The following CCDC18 variants were observed in gnomAD, a reference collection of about 807,000 sequenced individuals.
CCDC18 encodes coiled-coil domain-containing protein 18.
CCDC18 carries 157 observed loss-of-function variants against 196.0 expected under a neutral mutation model. That is an observed-to-expected ratio of 0.80 (90% confidence interval 0.70 to 0.91). The LOEUF (loss-of-function observed/expected upper bound fraction) is 0.91. Ranked by LOEUF, CCDC18 falls within the 40% of genes least tolerant of loss-of-function variation. The pLI, the probability that CCDC18 is intolerant of heterozygous loss-of-function variation, is 0.00. For synonymous variants in CCDC18, 482 were observed against 529.2 expected (o/e 0.91, Z 1.22); for missense variants, 1,465 against 1,611.6 (o/e 0.91, Z 1.56).
intron 25 of CCDC18, among the ~76,000 whole-genome samples, chr1:93,258,058 TAATTAA>T (rs2101122467): frequency 6.6e-6 from 1 of 150,782 alleles, no homozygotes; most frequent in East Asian, 1.9e-4. Flanking sequence ...TAAAAGACAT[TAATTAA>T]AATTAAAATA....
At chr1:93,240,239 A>G (rs1330590540) in intron 21 of CCDC18, among the ~76,000 whole-genome samples, 1 of 152,240 alleles carries the variant, frequency 6.6e-6, no homozygotes, top group Non-Finnish European at 1.5e-5. Context: ...GGGACTTCAC[A>G]TATGATCTCA....
At chr1:93,215,794 T>G (rs1656391979) in intron 12 of CCDC18, among the ~76,000 whole-genome samples, 1 of 152,204 alleles carries the variant, frequency 6.6e-6, no homozygotes, top group Non-Finnish European at 1.5e-5. Context: ...TTCTGCTGTT[T>G]AAAGAGTCTG....
At chr1:93,212,079 C>T in intron 10 of CCDC18, 22 bp from the exon 11 acceptor site, 1 of 1,575,270 alleles carries the variant, frequency 6.3e-7, no homozygotes, top group Non-Finnish European at 8.6e-7. Flanking sequence ...AATAATTTTT[C>T]CCTTCTTTTC....
At chr1:93,260,985 A>G (rs952474913) in intron 26 of CCDC18, among the ~76,000 whole-genome samples, 30 of 152,184 alleles carry the variant, frequency 2.0e-4, no homozygotes, top group Non-Finnish European at 4.0e-4. Flanking sequence ...TCCATGGTGT[A>G]TATGTGCCAC....
At chr1:93,209,396 A>G (rs1655246654) in intron 9 of CCDC18, among the ~76,000 whole-genome samples, 1 of 152,256 alleles carries the variant, frequency 6.6e-6, no homozygotes, top group Non-Finnish European at 1.5e-5. Flanking sequence ...TGAAGGAAAG[A>G]TCAGGGGAAA....
At chr1:93,227,348 A>G (rs924989285) in intron 17 of CCDC18, among the ~76,000 whole-genome samples, 6 of 145,894 alleles carry the variant, frequency 4.1e-5, no homozygotes, top group Non-Finnish European at 7.5e-5. Context: ...TTTTTTTTTT[A>G]GTAGAGACGG....
rs377136460 is a variant in CCDC18, at chr1:93,270,423, C to T, written c.3962C>T (p.Pro1321Leu). ...GAAGACATCAAGTTTCTGCCAGCCCCATTTACATCTCCAACAGAAATTATG... is the reference window on the plus strand; with the variant it reads ...GAAGACATCAAGTTTCTGCCAGCCCTATTTACATCTCCAACAGAAATTATG... The part of the protein sequence containing the change: ...KAEDIKFLPA[P>L]FTSPTEIMPD... The change falls in exon 28 of 29, where the codon CCA becomes CTA. Residue 1321 changes from proline to leucine, a missense_variant. By Grantham distance (98) the Pro-to-Leu change is moderately conservative (BLOSUM62 -3). Transcript: ENST00000690025. The T allele has an allele frequency of 1.9e-6, 3 of 1,550,388 alleles. No individual in the cohort carries two copies. The highest frequency in any genetic ancestry group is 1.7e-4 in the Middle Eastern group (1 of 5,986).
chr1:93,239,235 G>C (rs1031934533), intron 19 of CCDC18, 75 bp from the exon 20 acceptor site: 1 of 1,111,786 alleles, frequency 9.0e-7, no homozygotes, highest in Non-Finnish European at 1.2e-6. Flanking sequence ...TAACTTGCAG[G>C]CTTTTTTTTT....
chr1:93,241,658 G>A (rs569030476), intron 21 of CCDC18, among the ~76,000 whole-genome samples: 10 of 140,122 alleles, frequency 7.1e-5, no homozygotes, highest in Non-Finnish European at 1.5e-4. Context: ...GGAGGTGGAG[G>A]TTGCAATGAG....
In CCDC18 at chr1:93,256,498, C is replaced by T. The variant is rs112487174; in HGVS notation, c.3506C>T (p.Ser1169Phe). Residue 1169 changes from serine to phenylalanine, a missense_variant, in exon 25 of 29, where the codon TCT (serine) becomes TTT (phenylalanine). Ser to Phe is a radical substitution (Grantham distance 155). Transcript: ENST00000690025. ...VQAQREIERL[S>F]SELEDMKQLS... The stretch of plus-strand genomic sequence containing the variant: ...GCACAGAGAGAAATAGAAAGGCTCT[C>T]TAGTGAACTGGAGGATATGAAGCAA... The T allele has an allele frequency of 3.3e-4, 531 of 1,614,022 alleles. 1 individual carries two copies. In the African/African-American group the frequency reaches 5.9e-3, roughly 18 times the overall value.
upstream of CCDC18, chr1:93,180,429 T>C (rs1649326749): frequency 7.8e-7 from 1 of 1,282,884 alleles, no homozygotes; most frequent in Non-Finnish European, 1.1e-6. Context: ...GTAGGGACTC[T>C]GGGCGGGGCT....
intron 19 of CCDC18, among the ~76,000 whole-genome samples, chr1:93,238,626 G>T (rs1462032059): frequency 6.6e-6 from 1 of 152,182 alleles, no homozygotes; most frequent in African/African-American, 2.4e-5. Flanking sequence ...TGTTTAATTA[G>T]TAAATATCAC....
At chr1:93,186,976 A>G (rs1434317851) in intron 4 of CCDC18, among the ~76,000 whole-genome samples, 1 of 151,926 alleles carries the variant, frequency 6.6e-6, no homozygotes, top group Non-Finnish European at 1.5e-5. Flanking sequence ...TAGTCTGTGC[A>G]TTTTCTGATG....
chr1:93,265,761 G>C (rs1032625825), intron 27 of CCDC18, among the ~76,000 whole-genome samples: 1 of 152,106 alleles, frequency 6.6e-6, no homozygotes, highest in Non-Finnish European at 1.5e-5. Context: ...AAATATATAT[G>C]CACCCAATAC....
intron 17 of CCDC18, among the ~76,000 whole-genome samples, chr1:93,227,585 T>C (rs1416439853): frequency 6.6e-6 from 1 of 152,142 alleles, no homozygotes; most frequent in Non-Finnish European, 1.5e-5. Context: ...AAGAATGTAT[T>C]TGTTAGAATT....
intron 23 of CCDC18, among the ~76,000 whole-genome samples, chr1:93,253,196 G>A (rs1354258079): frequency 6.6e-6 from 1 of 152,228 alleles, no homozygotes; most frequent in Non-Finnish European, 1.5e-5. Context: ...ACAGTGTGAG[G>A]AGCTAGAGTT....
intron 7 of CCDC18, among the ~76,000 whole-genome samples, chr1:93,203,708 G>T (rs1357098250): frequency 6.6e-6 from 1 of 152,160 alleles, no homozygotes. Context: ...GCTTATGCCT[G>T]TAATTCCAGC....
intron 18 of CCDC18, among the ~76,000 whole-genome samples, chr1:93,235,551 T>C (rs1289290355): frequency 2.0e-5 from 3 of 152,052 alleles, no homozygotes; most frequent in Admixed American, 2.0e-4. Flanking sequence ...CATAGAAAAC[T>C]TTGAGAAGTT....
At chr1:93,205,780 A>G (rs1396117803) in intron 8 of CCDC18, 149 bp downstream of exon 8, 1 of 700,504 alleles carries the variant, frequency 1.4e-6, no homozygotes, top group African/African-American at 1.9e-5. Context: ...CTAGCTATAG[A>G]GTTAGAATTA....
Sources: gnomAD v4.1 joint callset for allele counts (sites outside exome capture counted in the v4.1 genomes callset) on GRCh38, gnomAD v4.1.1 for gene constraint, MANE v1.5 for transcripts, NCBI Gene and HGNC (gene_info 2026-07-23, HGNC 2026-07-21) for gene names.